Variants in IGSF11 observed in about 807,000 individuals in gnomAD.
IGSF11 encodes the protein immunoglobulin superfamily member 11, also known as CXADR like 1.
IGSF11 carries 22 observed loss-of-function variants against 41.0 expected under a neutral mutation model. The observed-to-expected ratio is 0.54, with a 90% CI of 0.38 to 0.77. IGSF11 has a LOEUF of 0.77. IGSF11 is among the 30% of genes least tolerant of loss of function. IGSF11 has a pLI of 0.00. For synonymous variants in IGSF11, 219 were observed against 201.3 expected (o/e 1.09, Z -0.74); for missense variants, 444 against 530.8 (o/e 0.84, Z 1.61).
chr3:119,127,100 T>C (rs2077414511), intron 1 of IGSF11, among the ~76,000 whole-genome samples: 1 of 152,098 alleles, frequency 6.6e-6, no homozygotes, highest in Non-Finnish European at 1.5e-5. Flanking sequence ...AGAAGCATGT[T>C]CTAACCCAAT....
intron 1 of IGSF11, among the ~76,000 whole-genome samples, chr3:119,124,681 T>G (rs2077379703): frequency 6.6e-6 from 1 of 151,914 alleles, no homozygotes. Context: ...GAAAATAGTT[T>G]CAAAAGGGTA....
chr3:118,991,478 T>G (rs1258617794), intron 1 of IGSF11, among the ~76,000 whole-genome samples: 4 of 152,236 alleles, frequency 2.6e-5, no homozygotes, highest in Non-Finnish European at 2.9e-5. Context: ...ACTCCACAGC[T>G]GCATCTATTC....
At chr3:119,125,799 A>G (rs1193682772) in intron 1 of IGSF11, among the ~76,000 whole-genome samples, 2 of 152,190 alleles carry the variant, frequency 1.3e-5, no homozygotes, top group East Asian at 3.9e-4. Flanking sequence ...GTGGTGCTGC[A>G]GCCTACCTGA....
chr3:118,965,885 G>C (rs1422934198), intron 1 of IGSF11, among the ~76,000 whole-genome samples: 1 of 151,960 alleles, frequency 6.6e-6, no homozygotes, highest in East Asian at 1.9e-4. Context: ...GAAAGATGAC[G>C]AAAGGACAAC....
chr3:118,953,968 T>C (rs1944776143), intron 1 of IGSF11, among the ~76,000 whole-genome samples: 1 of 152,142 alleles, frequency 6.6e-6, no homozygotes, highest in Non-Finnish European at 1.5e-5. Context: ...GGTCATGAGG[T>C]CCTTCCCTAA....
At chr3:119,067,028 G>A (rs555041016) in intron 1 of IGSF11, among the ~76,000 whole-genome samples, 31 of 152,126 alleles carry the variant, frequency 2.0e-4, no homozygotes, top group African/African-American at 7.2e-4. Context: ...TGGACCACAT[G>A]TGGCCCGAGC....
Position 118,902,156 on chromosome 3 carries a change from A to G in IGSF11, c.*364T>C, listed in dbSNP as rs965416757. 13 of 185,146 alleles carry G rather than the reference A, an allele frequency of 7.0e-5. No individual in the cohort carries two copies. Among genetic ancestry groups the G allele is most frequent in the African/African-American group, 3.1e-4 (13 of 42,248 alleles). The allele number at this position is 185,146 out of a possible 1,614,324, so 11.5% of individuals were successfully genotyped here. A position where few individuals can be genotyped will look rare whatever the true frequency, so the allele number is the denominator to read the frequency against. ...CTTTTAAAATAATTTCAATATTTAAACTCCATCTGGCACTTTAATCTCTTA... is the reference window on the plus strand; with the variant it reads ...CTTTTAAAATAATTTCAATATTTAAGCTCCATCTGGCACTTTAATCTCTTA... On this transcript the variant is annotated 3_prime_UTR_variant, in exon 7 of 7. Transcript: ENST00000393775.
intron 2 of IGSF11, among the ~76,000 whole-genome samples, chr3:118,929,198 T>C (rs1559913280): frequency 6.6e-6 from 1 of 152,202 alleles, no homozygotes; most frequent in Non-Finnish European, 1.5e-5. Context: ...TAAGTCTTCA[T>C]GGAAGACTTA....
In IGSF11 at chr3:119,041,320, G is replaced by A. The variant is rs541414976; in HGVS notation, c.49+63824C>T. ...ATGGTGGCCAGATGTGGTGGCTCAC[G>A]CCTATAATCTCAGCACTTTGGGAGG... On this transcript the variant is annotated intron_variant, in intron 1 of 6. Transcript: ENST00000354673. Among the ~76,000 whole-genome samples the A allele has an allele frequency of 1.1e-3, 163 of 152,278 alleles. 1 individual carries two copies. The highest frequency in any genetic ancestry group is 3.4e-3 in the Middle Eastern group (1 of 294).
chr3:118,955,423 T>C (rs1944888835), intron 1 of IGSF11, among the ~76,000 whole-genome samples: 1 of 151,954 alleles, frequency 6.6e-6, no homozygotes, highest in Admixed American at 6.6e-5. Context: ...GCTGTGAGGG[T>C]TATCATCTAT....
intron 1 of IGSF11, among the ~76,000 whole-genome samples, chr3:118,950,529 C>A (rs1031202924): frequency 1.3e-5 from 2 of 151,872 alleles, no homozygotes; most frequent in African/African-American, 4.8e-5. Context: ...TGATGTATTT[C>A]TCCTAGTGGG....
chr3:118,954,811 A>G (rs1016120293), intron 1 of IGSF11, among the ~76,000 whole-genome samples: 17 of 152,156 alleles, frequency 1.1e-4, no homozygotes, highest in African/African-American at 4.1e-4. Flanking sequence ...GAATGAATAA[A>G]TGTGGGTAAA....
intron 1 of IGSF11, among the ~76,000 whole-genome samples, chr3:118,990,485 A>T (rs1399774604): frequency 4.6e-5 from 7 of 152,226 alleles, no homozygotes; most frequent in Non-Finnish European, 8.8e-5. Flanking sequence ...AAACATAAAG[A>T]TGCTAAGTAA....
In IGSF11 at chr3:119,046,424, C is replaced by T. The variant is rs1941355704; in HGVS notation, c.49+58720G>A. 3.3e-5 allele frequency among the ~76,000 whole-genome samples: 5 copies of T among 151,888 alleles called. No individual in the cohort carries two copies. In the South Asian group the frequency reaches 8.3e-4, roughly 25 times the overall value. On this transcript the variant is annotated intron_variant, in intron 1 of 6. Transcript: ENST00000354673. Reference sequence around the variant, plus strand: ...GGAAGATGAAATGAATGAAATGAACCAAGAAGGAAAGTTTAGAGAAAAAAG... The same window carrying T: ...GGAAGATGAAATGAATGAAATGAACTAAGAAGGAAAGTTTAGAGAAAAAAG...
chr3:119,025,725 T>C (rs1939755858), intron 1 of IGSF11, among the ~76,000 whole-genome samples: 1 of 152,008 alleles, frequency 6.6e-6, no homozygotes, highest in Non-Finnish European at 1.5e-5. Context: ...AATGCTTTTT[T>C]TCTCTCCCCG....
chr3:119,121,830 T>C (rs968175271), intron 1 of IGSF11, among the ~76,000 whole-genome samples: 2 of 151,946 alleles, frequency 1.3e-5, no homozygotes, highest in Non-Finnish European at 2.9e-5. Context: ...CAACCTACCA[T>C]GTACAAGGAA....
At chr3:118,913,426 G>A (rs1940607090) in intron 4 of IGSF11, among the ~76,000 whole-genome samples, 1 of 152,100 alleles carries the variant, frequency 6.6e-6, no homozygotes, top group Non-Finnish European at 1.5e-5. Flanking sequence ...AAAAAGCAAA[G>A]GAAGGAAAAC....
intron 1 of IGSF11, among the ~76,000 whole-genome samples, chr3:119,139,808 C>T (rs1374593769): frequency 6.6e-6 from 1 of 152,130 alleles, no homozygotes; most frequent in Non-Finnish European, 1.5e-5. Context: ...ATTACAATAG[C>T]TGTGTGAATG....
intron 4 of IGSF11, among the ~76,000 whole-genome samples, chr3:118,911,988 G>A (rs868687089): frequency 7.9e-5 from 12 of 152,126 alleles, no homozygotes; most frequent in African/African-American, 2.9e-4. Flanking sequence ...ATTAAATTAT[G>A]AAAGGATGAG....
Sources: gnomAD v4.1 joint callset for allele counts (sites outside exome capture counted in the v4.1 genomes callset) on GRCh38, gnomAD v4.1.1 for gene constraint, MANE v1.5 for transcripts, NCBI Gene and HGNC (gene_info 2026-07-23, HGNC 2026-07-21) for gene names.